The following MED27 variants were observed in gnomAD, a reference collection of about 807,000 sequenced individuals.
The protein encoded by MED27 is mediator of RNA polymerase II transcription subunit 27.
MED27 carries 30 observed loss-of-function variants against 38.2 expected under a neutral mutation model. The observed-to-expected ratio is 0.79, with a 90% CI of 0.59 to 1.07. The LOEUF (loss-of-function observed/expected upper bound fraction) is 1.07, where lower values mean the gene tolerates loss of function less well. Among genes scored for constraint, MED27 ranks in the 50% least tolerant of loss-of-function variants. The pLI is 0.00. For synonymous variants in MED27, 122 were observed against 153.5 expected, an observed-to-expected ratio of 0.79 and a Z score of 1.52; for missense variants, 289 against 397.5, an observed-to-expected ratio of 0.73 and a Z score of 2.32.
At position 132,070,857 on chromosome 9, in the gene MED27, G is replaced by A. The variant is rs149569903; in HGVS notation, c.348+6585C>T. On this transcript the variant is annotated intron_variant, in intron 2 of 7. Transcript: ENST00000292035. Reference sequence around the variant, plus strand: ...CCCCAGGTTCTGTGAGGAAAGAACTGCCCCCCACACACTAATTCATATTAA... The same window carrying A: ...CCCCAGGTTCTGTGAGGAAAGAACTACCCCCCACACACTAATTCATATTAA... 4.4e-3 allele frequency among the ~76,000 whole-genome samples: 637 copies of A among 146,314 alleles called. 2 individuals are homozygous for A. The highest frequency in any genetic ancestry group is 0.015 in the African/African-American group (578 of 39,176).
chr9:131,941,950 C>A (rs974005372), intron 3 of MED27, among the ~76,000 whole-genome samples: 1 of 151,152 alleles, frequency 6.6e-6, no homozygotes, highest in African/African-American at 2.4e-5. Flanking sequence ...CTCAGCCTCC[C>A]AAGTAGCTGG....
At position 131,909,338 on chromosome 9, in the gene MED27, G is replaced by A. The variant is rs1051887733; in HGVS notation, c.574-15346C>T. The stretch of plus-strand genomic sequence containing the variant: ...TTCAATTTTATGAACAATAATAATA[G>A]GCCCTCTTTTTCAAGGTAGCCTGAG... On this transcript the variant is annotated intron_variant, in intron 4 of 7. Coordinates refer to ENST00000292035, the MANE Select transcript of MED27 (RefSeq NM_004269.4). Among the ~76,000 whole-genome samples, 96 of 152,206 alleles carry A rather than the reference G, an allele frequency of 6.3e-4. 1 individual carries two copies. Among genetic ancestry groups the A allele is most frequent in the African/African-American group, 2.3e-3 (94 of 41,456 alleles).
At chr9:131,920,999 G>A (rs982271150) in intron 4 of MED27, among the ~76,000 whole-genome samples, 2 of 152,140 alleles carry the variant, frequency 1.3e-5, no homozygotes, top group East Asian at 1.9e-4. Context: ...CTAGGTGTGA[G>A]GGACCAGAGG....
intron 2 of MED27, among the ~76,000 whole-genome samples, chr9:132,035,558 C>T (rs186275109): frequency 1.1e-3 from 171 of 152,198 alleles, no homozygotes; most frequent in Admixed American, 2.4e-3. Flanking sequence ...GGCTTTCCTG[C>T]GAAGGGACCA....
In MED27 at chr9:131,903,369, C is replaced by G. The variant is rs148512895; in HGVS notation, c.574-9377G>C. ...ACCCCCATGATTCAATCATCTTCCA[C>G]CAGGTCCCTCCCACAACACGTGGGA... On this transcript the variant is annotated intron_variant, in intron 4 of 7. Transcript: ENST00000292035. 4.1e-3 allele frequency among the ~76,000 whole-genome samples: 628 copies of G among 152,310 alleles called. 6 individuals carry two copies. The highest frequency in any genetic ancestry group is 6.6e-3 in the Non-Finnish European group (449 of 68,020).
At chr9:131,992,667 G>A (rs959467404) in intron 3 of MED27, among the ~76,000 whole-genome samples, 7 of 152,164 alleles carry the variant, frequency 4.6e-5, no homozygotes, top group African/African-American at 1.7e-4. Flanking sequence ...CTCTCAAAGA[G>A]CTGGGTTACA....
rs1011375378 is a variant in MED27 at position 132,006,453 on chromosome 9, T to C, written c.479+7884A>G. ...TCAAAGTTGAAGAATTTAACATAAA[T>C]GAATCAGCATATAACCAAATTCTGC... On this transcript the variant is annotated intron_variant, in intron 3 of 7. Coordinates refer to ENST00000292035, the MANE Select transcript of MED27 (RefSeq NM_004269.4). Among the ~76,000 whole-genome samples the C allele has an allele frequency of 2.0e-5, 3 of 152,120 alleles. No individual in the cohort carries two copies. In the South Asian group the frequency reaches 6.2e-4, roughly 32 times the overall value.
At chr9:131,868,940 G>T in intron 6 of MED27, 4 of 985,498 alleles carry the variant, frequency 4.1e-6, no homozygotes, top group Non-Finnish European at 4.8e-6. Flanking sequence ...CGGGAGCCAT[G>T]CGCCACAGCC....
At chr9:131,956,309 T>G (rs1397786400) in intron 3 of MED27, among the ~76,000 whole-genome samples, 1 of 152,150 alleles carries the variant, frequency 6.6e-6, no homozygotes, top group African/African-American at 2.4e-5. Flanking sequence ...AGTTTTAGTT[T>G]TGCAAGATGA....
intron 2 of MED27, among the ~76,000 whole-genome samples, chr9:132,039,892 G>A (rs1049440028): frequency 2.0e-5 from 3 of 152,160 alleles, no homozygotes; most frequent in African/African-American, 2.4e-5. Context: ...ATAAAAGATA[G>A]TACTTCTGTG....
intron 5 of MED27, among the ~76,000 whole-genome samples, chr9:131,892,522 G>C (rs1839245623): frequency 6.6e-6 from 1 of 152,140 alleles, no homozygotes; most frequent in Non-Finnish European, 1.5e-5. Context: ...TCCTGATTAT[G>C]ACTCACCTTT....
At chr9:131,931,344 T>C (rs1589218777) in intron 4 of MED27, among the ~76,000 whole-genome samples, 1 of 151,738 alleles carries the variant, frequency 6.6e-6, no homozygotes, top group East Asian at 1.9e-4. Context: ...AATTAGAAAA[T>C]ATACAATGGA....
intron 2 of MED27, among the ~76,000 whole-genome samples, chr9:132,029,063 CACCAGAA>C (rs1397798458): frequency 6.6e-6 from 1 of 152,202 alleles, no homozygotes; most frequent in Non-Finnish European, 1.5e-5. Context: ...CTTGTTGGTT[CACCAGAA>C]AGATTCAGCA....
At chr9:131,939,218 A>T in intron 4 of MED27, 163 bp downstream of exon 4, 1 of 429,490 alleles carries the variant, frequency 2.3e-6, no homozygotes. Context: ...TTCAATGTGC[A>T]GAATTCTTAA....
intron 4 of MED27, among the ~76,000 whole-genome samples, chr9:131,936,351 T>C (rs1031203437): frequency 3.9e-5 from 6 of 152,172 alleles, no homozygotes; most frequent in African/African-American, 1.4e-4. Context: ...CAGTTGGTGC[T>C]ACCCACCTCG....
chr9:132,076,012 G>A (rs1834039551), intron 2 of MED27, among the ~76,000 whole-genome samples: 1 of 152,172 alleles, frequency 6.6e-6, no homozygotes. Flanking sequence ...TCAAGTTTGG[G>A]CCAGAATCCT....
chr9:132,068,582 T>C lies in MED27; in HGVS notation c.348+8860A>G, dbSNP rs187765770. 1.8e-4 allele frequency among the ~76,000 whole-genome samples: 27 copies of C among 151,954 alleles called. 1 individual carries two copies. In the East Asian group the frequency reaches 5.0e-3, roughly 28 times the overall value. ...TGGAGAGGGAAGAGCTGAGAGGCTG[T>C]GAAGAGGGGAAATCAATAGATCTGT... On this transcript the variant is annotated intron_variant, in intron 2 of 7. Transcript: ENST00000292035.
intron 3 of MED27, among the ~76,000 whole-genome samples, chr9:131,960,815 C>T (rs1831200547): frequency 6.6e-6 from 1 of 152,112 alleles, no homozygotes; most frequent in African/African-American, 2.4e-5. Flanking sequence ...ACAGCTACTC[C>T]TAAAACATGC....
chr9:131,937,271 A>G (rs936666884), intron 4 of MED27, among the ~76,000 whole-genome samples: 1 of 152,238 alleles, frequency 6.6e-6, no homozygotes, highest in African/African-American at 2.4e-5. Flanking sequence ...GCCCATGGCA[A>G]TCTGATTCTG....
Sources: allele counts gnomAD v4.1 joint callset (sites outside exome capture counted in the v4.1 genomes callset), GRCh38; gene constraint gnomAD v4.1.1; transcripts MANE v1.5; gene names NCBI Gene and HGNC (gene_info 2026-07-23, HGNC 2026-07-21).